Variants in TNRC6B observed in about 807,000 individuals in gnomAD.
TNRC6B encodes trinucleotide repeat containing adaptor 6B, also known as trinucleotide repeat-containing gene 6B protein.
In TNRC6B, 52 loss-of-function variants were observed where a neutral mutation model predicts 203.6. The ratio of observed to expected loss-of-function variants is 0.26; its 90% CI spans 0.20 to 0.32. The LOEUF is 0.32. TNRC6B is among the 10% of genes least tolerant of loss of function. The pLI is 1.00. For missense variants in TNRC6B, 1,923 were observed against 2,286.2 expected (o/e 0.84, Z 3.24); for synonymous variants, 838 against 845.7 (o/e 0.99, Z 0.16).
intron 1 of TNRC6B, among the ~76,000 whole-genome samples, chr22:40,078,471 C>A (rs2068038142): frequency 6.6e-6 from 1 of 152,106 alleles, no homozygotes; most frequent in Admixed American, 6.5e-5. Context: ...TTGCAGTGAG[C>A]CCTGATTGTT....
chr22:40,289,831 T>C (rs1170848767), intron 12 of TNRC6B, among the ~76,000 whole-genome samples: 1 of 152,160 alleles, frequency 6.6e-6, no homozygotes, highest in Non-Finnish European at 1.5e-5. Context: ...GGTTAACATG[T>C]TCAAAACACA....
At position 40,275,055 on chromosome 22, in the gene TNRC6B, G is replaced by A. The variant is rs528117988; in HGVS notation, c.3141+1455G>A. Among the ~76,000 whole-genome samples the A allele has an allele frequency of 4.6e-5, 7 of 152,318 alleles. No individual in the cohort carries two copies. The South Asian group carries it at 1.4e-3, about 32-fold the overall frequency. ...AGGCCTTCCCATGTCTGAGGATTGG[G>A]CCTTCATCCCCTTTGCCCTTTGCCT... On this transcript the variant is annotated intron_variant, in intron 7 of 22. Coordinates refer to ENST00000454349, the MANE Select transcript of TNRC6B (RefSeq NM_001162501.2).
intron 1 of TNRC6B, among the ~76,000 whole-genome samples, chr22:40,235,942 T>A (rs1324694738): frequency 6.6e-6 from 1 of 152,228 alleles, no homozygotes; most frequent in Non-Finnish European, 1.5e-5. Flanking sequence ...GACCAAAAGA[T>A]GAGTCAATGT....
At chr22:40,231,979 G>A (rs2069877101) in intron 1 of TNRC6B, among the ~76,000 whole-genome samples, 1 of 152,164 alleles carries the variant, frequency 6.6e-6, no homozygotes. Flanking sequence ...AACCCTACAG[G>A]GAATGGGATT....
At chr22:40,244,693 G>A (rs2070080805) in intron 1 of TNRC6B, among the ~76,000 whole-genome samples, 1 of 152,168 alleles carries the variant, frequency 6.6e-6, no homozygotes, top group African/African-American at 2.4e-5. Context: ...GGTGATATCT[G>A]TGAAACCATG....
rs2068562140 is a variant in TNRC6B at position 40,132,950 on chromosome 22, A to AAAAAT, written c.45+7092_45+7093insTAAAA. Among the ~76,000 whole-genome samples the AAAAAT allele has an allele frequency of 6.6e-5, 6 of 91,472 alleles. 1 individual carries two copies. The highest frequency in any genetic ancestry group is 2.4e-4 in the East Asian group (1 of 4,144). 60.0% of individuals were successfully genotyped at this position (91,472 alleles called of 152,430 possible). On this transcript the variant is annotated intron_variant, in intron 3 of 23. Transcript: ENST00000301923. ...CAGAGCAAGACTCTGTCTCAAAAAAAAAAAAAAAAAAAAAAAAAAATATAT... is the reference window on the plus strand; with the variant it reads ...CAGAGCAAGACTCTGTCTCAAAAAAAAAAATAAAAAAAAAAAAAAAAAAAATATAT...
intron 6 of TNRC6B, among the ~76,000 whole-genome samples, chr22:40,273,033 T>C (rs1394248076): frequency 1.3e-5 from 2 of 152,238 alleles, no homozygotes; most frequent in African/African-American, 2.4e-5. Context: ...AAGTACATAC[T>C]GAATGGAGGA....
At chr22:40,157,052 G>A (rs2068824456) in intron 4 of TNRC6B, among the ~76,000 whole-genome samples, 1 of 152,096 alleles carries the variant, frequency 6.6e-6, no homozygotes, top group Non-Finnish European at 1.5e-5. Context: ...TGGGATTGCA[G>A]GTGTGAGGCA....
intron 3 of TNRC6B, among the ~76,000 whole-genome samples, chr22:40,136,000 C>G (rs2068595902): frequency 6.6e-6 from 1 of 152,092 alleles, no homozygotes. Context: ...GTCCTGAGTT[C>G]TCAGGAGTTA....
chr22:40,087,908 A>G (rs971040426), intron 1 of TNRC6B, among the ~76,000 whole-genome samples: 3 of 152,116 alleles, frequency 2.0e-5, no homozygotes, highest in South Asian at 4.2e-4. Context: ...ACTAGAGACC[A>G]GACATAATAC....
chr22:40,075,918 A>T (rs1243052979), intron 1 of TNRC6B, among the ~76,000 whole-genome samples: 1 of 152,234 alleles, frequency 6.6e-6, no homozygotes, highest in Non-Finnish European at 1.5e-5. Context: ...GACTATTGTC[A>T]TACATTTTAC....
intron 1 of TNRC6B, among the ~76,000 whole-genome samples, chr22:40,216,006 G>A (rs1270871079): frequency 6.6e-6 from 1 of 152,204 alleles, no homozygotes; most frequent in South Asian, 2.1e-4. Flanking sequence ...TTGCAGGGAC[G>A]TGAGTGGTCT....
At chr22:40,272,508 A>G (rs1262120534) in intron 6 of TNRC6B, among the ~76,000 whole-genome samples, 1 of 152,220 alleles carries the variant, frequency 6.6e-6, no homozygotes, top group Non-Finnish European at 1.5e-5. Flanking sequence ...ATGTCCTGTC[A>G]TGTGGGAGAG....
Position 40,265,614 on chromosome 22 carries a change from G to A in TNRC6B, c.1384G>A (p.Val462Ile). 1 of 1,613,792 alleles carries A rather than the reference G, an allele frequency of 6.2e-7. No individual in the cohort carries two copies. Among genetic ancestry groups the A allele is most frequent in the Non-Finnish European group, 8.5e-7 (1 of 1,179,790 alleles). ...AGAGGACTCCTGGAAAGGAGCTTCT[G>A]TTCAGAAATCAACTGGGTCAAAAAA... The part of the protein sequence containing the change: ...EREDSWKGAS[V>I]QKSTGSKNDS... The change falls in exon 5 of 23, where the codon GTT becomes ATT. Residue 462 changes from valine (V) to isoleucine (I), a missense_variant. Val to Ile is a conservative substitution (Grantham distance 29). Coordinates refer to ENST00000454349, the MANE Select transcript of TNRC6B (RefSeq NM_001162501.2).
chr22:40,090,604 T>A lies in TNRC6B; in HGVS notation c.-120-26451T>A, dbSNP rs563377903. ...GGATAACAGTCCTTTATCAGATGTA[T>A]CTTTGTATTTTCTCCCAGTCTTTGA... On this transcript the variant is annotated intron_variant, in intron 1 of 23. Transcript: ENST00000301923. 2.0e-3 allele frequency among the ~76,000 whole-genome samples: 301 copies of A among 152,324 alleles called. 4 individuals carry two copies. In the Middle Eastern group the frequency reaches 0.024, roughly 12 times the overall value.
intron 1 of TNRC6B, among the ~76,000 whole-genome samples, chr22:40,202,275 GCC>G (rs2069424862): frequency 1.6e-5 from 1 of 62,304 alleles, no homozygotes; most frequent in Non-Finnish European, 3.2e-5. Context: ...TTTTTTTTTT[GCC>G]TTTGGCAGAC....
chr22:40,302,749 G>A (rs2071039886), intron 15 of TNRC6B, among the ~76,000 whole-genome samples: 1 of 152,038 alleles, frequency 6.6e-6, no homozygotes, highest in South Asian at 2.1e-4. Flanking sequence ...TCCTCCTACT[G>A]CACGTGCAGG....
chr22:40,083,507 A>T (rs2146290969), intron 1 of TNRC6B, among the ~76,000 whole-genome samples: 1 of 152,298 alleles, frequency 6.6e-6, no homozygotes, highest in Admixed American at 6.5e-5. Context: ...TTGGCTGTGA[A>T]GGGAGCAGAA....
At chr22:40,094,064 C>T (rs2068168982) in intron 1 of TNRC6B, among the ~76,000 whole-genome samples, 1 of 151,636 alleles carries the variant, frequency 6.6e-6, no homozygotes, top group African/African-American at 2.4e-5. Flanking sequence ...ACATGTACCA[C>T]GTAAATGTAT....
Sources: gnomAD v4.1 joint callset for allele counts (sites outside exome capture counted in the v4.1 genomes callset) on GRCh38, gnomAD v4.1.1 for gene constraint, MANE v1.5 for transcripts, NCBI Gene and HGNC (gene_info 2026-07-23, HGNC 2026-07-21) for gene names.